The following HDAC8 variants were observed in gnomAD, a reference collection of about 807,000 sequenced individuals.
The protein encoded by HDAC8 is histone deacetylase 8.
Under a neutral mutation model 32.2 loss-of-function variants are expected in HDAC8, and 1 was observed. The ratio of observed to expected loss-of-function variants is 0.03; its 90% confidence interval spans 0.01 to 0.15. The LOEUF (loss-of-function observed/expected upper bound fraction) is 0.15, where lower values mean the gene tolerates loss of function less well. HDAC8 is among the 10% of genes least tolerant of loss of function. The pLI, the probability that HDAC8 is intolerant of heterozygous loss-of-function variation, is 1.00. For missense variants in HDAC8, 117 were observed against 300.0 expected (o/e 0.39, Z 4.51); for synonymous variants, 108 against 113.9 (o/e 0.95, Z 0.33).
At chrX:72,488,502 T>C (rs1556007279) in intron 7 of HDAC8, among the ~76,000 whole-genome samples, 2 of 111,929 alleles carry the variant, frequency 1.8e-5, no homozygotes, top group Non-Finnish European at 1.9e-5. Flanking sequence ...AAGGTAAGAA[T>C]GCATGATGAA....
chrX:72,445,479 T>A (rs2047356380), intron 9 of HDAC8, among the ~76,000 whole-genome samples: 1 of 112,133 alleles, frequency 8.9e-6, no homozygotes, highest in Admixed American at 9.4e-5. Context: ...TGGCTAACCA[T>A]ATGTAGAAAG....
chrX:72,383,037 C>T (rs1226999680), intron 9 of HDAC8, among the ~76,000 whole-genome samples: 1 of 112,067 alleles, frequency 8.9e-6, no homozygotes, highest in Non-Finnish European at 1.9e-5. Context: ...GAAAAGCATA[C>T]AAACTGGTCC....
At position 72,572,778 on chromosome X, in the gene HDAC8, T is replaced by G. The variant is rs782347257; in HGVS notation, c.-17A>C. Reference sequence around the variant, plus strand: ...CTCCTCCATCTTCCGCTTAAAACCGTTCCGCAGCCACCTTCCAGATCTGGC... The same window carrying G: ...CTCCTCCATCTTCCGCTTAAAACCGGTCCGCAGCCACCTTCCAGATCTGGC... On this transcript the variant is annotated 5_prime_UTR_variant, in exon 1 of 11. Transcript: ENST00000373573. 3 of 1,179,691 alleles carry G rather than the reference T, an allele frequency of 2.5e-6. No homozygotes were observed. The Admixed American group carries it at 6.5e-5, about 26-fold the overall frequency.
At chrX:72,379,490 G>GTTTTTTTTTTTTTTTTTT (rs1191306787) in intron 9 of HDAC8, among the ~76,000 whole-genome samples, 2 of 38,882 alleles carry the variant, frequency 5.1e-5, no homozygotes, top group Non-Finnish European at 8.7e-5. Flanking sequence ...TTTGTTTAGT[G>GTTTTTTTTTTTTTTTTTT]TTTTTTTTTT....
chrX:72,392,452 A>G (rs1555964181), intron 9 of HDAC8, among the ~76,000 whole-genome samples: 1 of 110,984 alleles, frequency 9.0e-6, no homozygotes, highest in African/African-American at 3.3e-5. Flanking sequence ...TCTCCTTCCA[A>G]CTAAAATCTG....
chrX:72,466,205 C>A (rs1174908808), intron 7 of HDAC8, among the ~76,000 whole-genome samples: 1 of 111,272 alleles, frequency 9.0e-6, no homozygotes, highest in African/African-American at 3.3e-5. Flanking sequence ...GAGGGGGAGG[C>A]AACAAGACTA....
intron 9 of HDAC8, among the ~76,000 whole-genome samples, chrX:72,368,341 C>G (rs1404200285): frequency 1.9e-5 from 2 of 103,321 alleles, no homozygotes; most frequent in Non-Finnish European, 3.9e-5. Flanking sequence ...CATTCCCTCC[C>G]GTGTGTTTCC....
chrX:72,560,978 G>C (rs1556118974), intron 4 of HDAC8, among the ~76,000 whole-genome samples: 1 of 110,099 alleles, frequency 9.1e-6, no homozygotes, highest in Non-Finnish European at 1.9e-5. Flanking sequence ...AAAAAAAAAA[G>C]AATATACCTA....
intron 4 of HDAC8, among the ~76,000 whole-genome samples, chrX:72,502,619 T>G: frequency 9.0e-6 from 1 of 111,410 alleles, no homozygotes; most frequent in South Asian, 3.8e-4. Flanking sequence ...AAACTAAAAA[T>G]TTTTAAGAAA....
intron 4 of HDAC8, among the ~76,000 whole-genome samples, chrX:72,560,560 A>C (rs1425433123): frequency 1.1e-5 from 1 of 92,679 alleles, no homozygotes; most frequent in Non-Finnish European, 2.1e-5. Flanking sequence ...ATGATCAATA[A>C]ATACTAAAAA....
chrX:72,385,296 C>G (rs1480483960), intron 9 of HDAC8, among the ~76,000 whole-genome samples: 1 of 110,377 alleles, frequency 9.1e-6, no homozygotes, highest in African/African-American at 3.3e-5. Flanking sequence ...GATCTTGTCT[C>G]TACAAAAAAA....
intron 9 of HDAC8, among the ~76,000 whole-genome samples, chrX:72,424,698 T>C (rs2046586602): frequency 9.0e-6 from 1 of 111,648 alleles, no homozygotes; most frequent in Admixed American, 9.5e-5. Flanking sequence ...TCTACACCCA[T>C]TAATAAATAA....
At chrX:72,431,862 G>A (rs1347281527) in intron 9 of HDAC8, among the ~76,000 whole-genome samples, 1 of 111,933 alleles carries the variant, frequency 8.9e-6, no homozygotes, top group African/African-American at 3.2e-5. Context: ...TATACTAAGG[G>A]CTTTATATGT....
At chrX:72,565,496 T>C (rs1216799498) in intron 4 of HDAC8, among the ~76,000 whole-genome samples, 4 of 111,930 alleles carry the variant, frequency 3.6e-5, no homozygotes, top group African/African-American at 6.5e-5. Context: ...GTTAAGGCGA[T>C]ATATGTGGGT....
rs181768087 is a variant in HDAC8, at chrX:72,403,806, G to A, written c.1006-51968C>T. ...TGTGCCACTGCACTCCGGCCTGGGC[G>A]ACAGAGCCAGATTCTGTCTGGCTGA... On this transcript the variant is annotated intron_variant, in intron 9 of 10. Transcript: ENST00000373573. Among the ~76,000 whole-genome samples the A allele has an allele frequency of 2.6e-4, 29 of 111,202 alleles. 1 individual carries two copies. Among genetic ancestry groups the A allele is most frequent in the Admixed American group, 6.7e-4 (7 of 10,479 alleles).
In HDAC8 at chrX:72,423,603, C is replaced by T. The variant is rs181781124; in HGVS notation, c.1005+38401G>A. Among the ~76,000 whole-genome samples the T allele has an allele frequency of 1.3e-4, 15 of 112,558 alleles. No homozygotes were observed. The East Asian group carries it at 4.2e-3, about 31-fold the overall frequency. ...GTTTAAATTATGATGACAACAAATA[C>T]TGTTCACAGCTCAGCTATGTACTGT... On this transcript the variant is annotated intron_variant, in intron 9 of 10. Coordinates refer to ENST00000373573, the MANE Select transcript of HDAC8 (RefSeq NM_018486.3).
intron 7 of HDAC8, among the ~76,000 whole-genome samples, chrX:72,472,112 G>A (rs1368891129): frequency 5.7e-5 from 6 of 104,481 alleles, no homozygotes; most frequent in African/African-American, 2.1e-4. Flanking sequence ...CTGTCGCCCA[G>A]GCTGGAGTGC....
At chrX:72,378,962 A>G (rs1278951725) in intron 9 of HDAC8, among the ~76,000 whole-genome samples, 2 of 109,603 alleles carry the variant, frequency 1.8e-5, no homozygotes, top group Non-Finnish European at 3.8e-5. Flanking sequence ...GGTTCAAGCA[A>G]TTCTCCTGCC....
At chrX:72,471,675 C>T (rs1438548684) in intron 7 of HDAC8, among the ~76,000 whole-genome samples, 1 of 111,334 alleles carries the variant, frequency 9.0e-6, no homozygotes, top group East Asian at 2.8e-4. Context: ...CTATTTCAAC[C>T]CTTTGCCCAT....
Sources: allele counts gnomAD v4.1 joint callset (sites outside exome capture counted in the v4.1 genomes callset), GRCh38; gene constraint gnomAD v4.1.1; transcripts MANE v1.5; gene names NCBI Gene and HGNC (gene_info 2026-07-23, HGNC 2026-07-21).